Variants in CSMD3 observed in about 807,000 individuals in gnomAD.
The protein encoded by CSMD3 is CUB and sushi domain-containing protein 3.
Under a neutral mutation model 435.2 loss-of-function variants are expected in CSMD3, and 177 were observed. The observed-to-expected ratio is 0.41, with a 90% CI of 0.36 to 0.46. CSMD3 has a LOEUF of 0.46. Among genes scored for constraint, CSMD3 ranks in the 20% least tolerant of loss-of-function variants. The probability of loss-of-function intolerance (pLI) is 0.34; values close to 1 mark genes in which losing one functional copy is unlikely to be tolerated. For missense variants in CSMD3, 4,265 were observed against 4,504.6 expected, an observed-to-expected ratio of 0.95 and a Z score of 1.52; for synonymous variants, 1,656 against 1,520.5, an observed-to-expected ratio of 1.09 and a Z score of -2.07.
At chr8:113,313,549 GA>G (rs1563686915) in intron 2 of CSMD3, 2 of 151,918 alleles carry the variant, frequency 1.3e-5, no homozygotes, top group African/African-American at 4.8e-5. Flanking sequence ...ACTTAAAATT[GA>G]AAAAATATAA....
At chr8:112,575,127 C>T (rs1163086582) in intron 23 of CSMD3, among the ~76,000 whole-genome samples, 1 of 151,782 alleles carries the variant, frequency 6.6e-6, no homozygotes, top group Non-Finnish European at 1.5e-5. Flanking sequence ...AATAATTAAC[C>T]TTTCTTTCAA....
At chr8:112,736,439 A>G (rs903865302) in intron 13 of CSMD3, among the ~76,000 whole-genome samples, 1 of 152,016 alleles carries the variant, frequency 6.6e-6, no homozygotes, top group African/African-American at 2.4e-5. Context: ...GCAGCTGCTC[A>G]CAATCTTTAG....
intron 3 of CSMD3, among the ~76,000 whole-genome samples, chr8:113,214,741 C>A (rs1037162041): frequency 1.4e-4 from 21 of 151,794 alleles, no homozygotes; most frequent in African/African-American, 5.1e-4. Context: ...TAAAGATATA[C>A]TCACACTAAT....
intron 6 of CSMD3, among the ~76,000 whole-genome samples, chr8:112,979,585 A>G (rs1318988427): frequency 6.6e-6 from 1 of 151,514 alleles, no homozygotes; most frequent in Non-Finnish European, 1.5e-5. Context: ...TTCAATATTA[A>G]ATATACACAT....
At chr8:112,706,206 T>C (rs1255841327) in intron 13 of CSMD3, among the ~76,000 whole-genome samples, 1 of 151,998 alleles carries the variant, frequency 6.6e-6, no homozygotes, top group Non-Finnish European at 1.5e-5. Context: ...GTTCACACAT[T>C]CATTCATTCA....
chr8:113,300,657 G>A lies in CSMD3; in HGVS notation c.401+13914C>T, dbSNP rs4466428. Among the ~76,000 whole-genome samples the A allele has an allele frequency of 8.3e-4, 127 of 152,148 alleles. 2 individuals are homozygous for A. In the East Asian group the frequency reaches 0.017, roughly 20 times the overall value. ...AACACTGAAGATGCACAGACATACA[G>A]ATGGGAACAATAGATACTGGGAACT... On this transcript the variant is annotated intron_variant, in intron 2 of 70. Coordinates refer to ENST00000297405, the MANE Select transcript of CSMD3 (RefSeq NM_198123.2).
At chr8:112,250,450 A>G (rs1312112535) in intron 63 of CSMD3, among the ~76,000 whole-genome samples, 1 of 151,568 alleles carries the variant, frequency 6.6e-6, no homozygotes, top group African/African-American at 2.4e-5. Flanking sequence ...TAGTCAAATC[A>G]ACAAAATTTT....
chr8:113,399,948 G>GTATA (rs34785769), intron 1 of CSMD3, among the ~76,000 whole-genome samples: 6,205 of 148,946 alleles, frequency 0.042, 154 homozygotes, highest in Non-Finnish European at 0.056. Flanking sequence ...TCTATTCTGT[G>GTATA]TATATATATA....
chr8:112,937,989 C>T (rs569502825), intron 9 of CSMD3, among the ~76,000 whole-genome samples: 1 of 152,082 alleles, frequency 6.6e-6, no homozygotes, highest in African/African-American at 2.4e-5. Flanking sequence ...GAAAGTTGAT[C>T]GTATGAATTG....
chr8:112,617,017 C>T (rs576046884), intron 22 of CSMD3, among the ~76,000 whole-genome samples: 3 of 152,210 alleles, frequency 2.0e-5, no homozygotes, highest in African/African-American at 7.2e-5. Context: ...ATAAGGAACC[C>T]CAGAACATTC....
intron 2 of CSMD3, among the ~76,000 whole-genome samples, chr8:113,279,640 T>G (rs1376288789): frequency 6.6e-6 from 1 of 151,748 alleles, no homozygotes; most frequent in African/African-American, 2.4e-5. Context: ...TTGTTTTGTT[T>G]TTTTAATTTT....
intron 5 of CSMD3, among the ~76,000 whole-genome samples, chr8:113,065,759 T>A (rs1042138953): frequency 6.6e-6 from 1 of 152,168 alleles, no homozygotes; most frequent in Non-Finnish European, 1.5e-5. Flanking sequence ...TCCATTATGA[T>A]GTCAGTGAAG....
chr8:112,843,141 T>C (rs2080228184), intron 11 of CSMD3, among the ~76,000 whole-genome samples: 1 of 151,988 alleles, frequency 6.6e-6, no homozygotes, highest in South Asian at 2.1e-4. Flanking sequence ...GTGCTTTTGT[T>C]TACAAAAACA....
At chr8:112,531,785 A>C (rs2131076404) in intron 27 of CSMD3, among the ~76,000 whole-genome samples, 1 of 152,270 alleles carries the variant, frequency 6.6e-6, no homozygotes, top group South Asian at 2.1e-4. Flanking sequence ...AACTGGAATA[A>C]ATAACTAACT....
rs2075991360 is a variant in CSMD3 at position 112,685,519 on chromosome 8, G to C, written c.2369C>G (p.Thr790Ser). ...GDSPESPILGTFTGAEVPSHL... is the reference protein window; with the variant it reads ...GDSPESPILGSFTGAEVPSHL... ...GGAAGGCACCTCAGCCCCAGTAAAGGTTCCAAGAATTGGGGATTCTGGAGA... is the reference window on the plus strand; with the variant it reads ...GGAAGGCACCTCAGCCCCAGTAAAGCTTCCAAGAATTGGGGATTCTGGAGA... The change falls in exon 15 of 71, where the codon ACC (threonine) becomes AGC (serine). Residue 790 changes from threonine to serine, a missense_variant. Physicochemically the swap from Thr to Ser is moderately conservative, Grantham distance 58. Coordinates refer to ENST00000297405, the MANE Select transcript of CSMD3 (RefSeq NM_198123.2). 1.9e-6 allele frequency: 3 copies of C among 1,613,890 alleles called. No individual in the cohort carries two copies. In the African/African-American group the frequency reaches 4.0e-5, roughly 22 times the overall value.
At chr8:112,923,442 C>A (rs1303372304) in intron 9 of CSMD3, among the ~76,000 whole-genome samples, 2 of 152,104 alleles carry the variant, frequency 1.3e-5, no homozygotes, top group East Asian at 3.9e-4. Flanking sequence ...TTATCGACTT[C>A]CTTGCTCTGG....
At position 112,736,125 on chromosome 8, in the gene CSMD3, C is replaced by A. The variant is rs546550935; in HGVS notation, c.1973-46075G>T. Among the ~76,000 whole-genome samples the A allele has an allele frequency of 7.2e-5, 11 of 152,132 alleles. No individual in the cohort carries two copies. In the East Asian group the frequency reaches 2.1e-3, roughly 29 times the overall value. On this transcript the variant is annotated intron_variant, in intron 13 of 70. Transcript: ENST00000297405. ...CACGTAAGTATAAAATATATGTAGACTGAATGAATAAATACTTTCACTGTT... is the reference window on the plus strand; with the variant it reads ...CACGTAAGTATAAAATATATGTAGAATGAATGAATAAATACTTTCACTGTT...
chr8:113,369,672 C>A (rs1173532430), intron 1 of CSMD3, among the ~76,000 whole-genome samples: 2 of 151,512 alleles, frequency 1.3e-5, no homozygotes, highest in African/African-American at 4.8e-5. Context: ...CATCAACAGA[C>A]AAATAGATAA....
At chr8:113,098,583 T>C in intron 5 of CSMD3, 173 bp downstream of exon 5, 4 of 599,924 alleles carry the variant, frequency 6.7e-6, no homozygotes, top group Non-Finnish European at 1.2e-5. Context: ...CTATTTTTTA[T>C]GTAAATAGCT....
Sources: allele counts gnomAD v4.1 joint callset (sites outside exome capture counted in the v4.1 genomes callset), GRCh38; gene constraint gnomAD v4.1.1; transcripts MANE v1.5; gene names NCBI Gene and HGNC (gene_info 2026-07-23, HGNC 2026-07-21).